The following MAP2K1 variants were observed in gnomAD, a reference collection of about 807,000 sequenced individuals.
The protein encoded by MAP2K1 is mitogen-activated protein kinase kinase 1.
MAP2K1 carries 16 observed loss-of-function variants against 46.3 expected under a neutral mutation model. That is an observed-to-expected ratio of 0.35 (90% CI 0.23 to 0.52). The LOEUF (loss-of-function observed/expected upper bound fraction) is 0.52, where lower values mean the gene tolerates loss of function less well. Among genes scored for constraint, MAP2K1 ranks in the 20% least tolerant of loss-of-function variants. The probability of loss-of-function intolerance (pLI) is 0.94; values close to 1 mark genes in which losing one functional copy is unlikely to be tolerated. For missense variants in MAP2K1, 263 were observed against 497.1 expected (o/e 0.53, Z 4.48); for synonymous variants, 183 against 185.6 (o/e 0.99, Z 0.11).
At chr15:66,468,442 G>C (rs35947549) in intron 5 of MAP2K1, among the ~76,000 whole-genome samples, 8,612 of 152,210 alleles carry the variant, frequency 0.057, 348 homozygotes, top group Middle Eastern at 0.11. Flanking sequence ...GAAAAGTCTG[G>C]TGGTGCTAGA....
At chr15:66,391,605 G>A (rs1234463467) in intron 1 of MAP2K1, among the ~76,000 whole-genome samples, 1 of 152,198 alleles carries the variant, frequency 6.6e-6, no homozygotes, top group Non-Finnish European at 1.5e-5. Flanking sequence ...CACTCTGTAA[G>A]TACACCCAAA....
At chr15:66,420,704 G>T (rs1201266407) in intron 1 of MAP2K1, among the ~76,000 whole-genome samples, 8 of 10,730 alleles carry the variant, frequency 7.5e-4, no homozygotes, top group Admixed American at 4.9e-3. Flanking sequence ...ACTTACTCTT[G>T]GCATATATAT....
chr15:66,474,699 C>G (rs946093701), intron 5 of MAP2K1, among the ~76,000 whole-genome samples: 1 of 152,110 alleles, frequency 6.6e-6, no homozygotes, highest in East Asian at 1.9e-4. Context: ...ATCGTTAACT[C>G]CCTGTGCCAC....
At position 66,427,387 on chromosome 15, in the gene MAP2K1, G is replaced by A. The variant is rs927750136; in HGVS notation, c.81-7640G>A. ...ATCCTGGCCAACACAGTGAAACCCC[G>A]TCTTTACTAAAAATACAAAAAATTA... On this transcript the variant is annotated intron_variant, in intron 1 of 10. Transcript: ENST00000307102. 2.6e-5 allele frequency among the ~76,000 whole-genome samples: 4 copies of A among 151,922 alleles called. 1 individual carries two copies. Among genetic ancestry groups the A allele is most frequent in the East Asian group, 3.9e-4 (2 of 5,162 alleles).
intron 1 of MAP2K1, among the ~76,000 whole-genome samples, chr15:66,399,838 G>A (rs145868602): frequency 8.6e-5 from 13 of 152,012 alleles, no homozygotes; most frequent in East Asian, 3.9e-4. Context: ...CTCGTGATCC[G>A]CCCACCTCAG....
intron 1 of MAP2K1, among the ~76,000 whole-genome samples, chr15:66,395,415 C>T (rs2093365069): frequency 6.6e-6 from 1 of 152,070 alleles, no homozygotes; most frequent in Non-Finnish European, 1.5e-5. Flanking sequence ...CTTAATTTTC[C>T]TCTGTTTTTC....
chr15:66,438,453 CT>C (rs1297639942), intron 3 of MAP2K1, among the ~76,000 whole-genome samples: 4 of 152,094 alleles, frequency 2.6e-5, no homozygotes, highest in African/African-American at 4.8e-5. Context: ...TTACATTGAC[CT>C]TTTTTGAGAT....
intron 1 of MAP2K1, among the ~76,000 whole-genome samples, chr15:66,420,033 C>G (rs2093433935): frequency 6.6e-6 from 1 of 151,830 alleles, no homozygotes; most frequent in South Asian, 2.1e-4. Context: ...CACCTGAGGT[C>G]AGGAGTTCGA....
intron 1 of MAP2K1, among the ~76,000 whole-genome samples, chr15:66,403,851 C>T (rs147169226): frequency 1.4e-4 from 22 of 152,266 alleles, no homozygotes; most frequent in African/African-American, 5.3e-4. Context: ...TATTTGCCCC[C>T]TTTGCTGCTT....
chr15:66,436,423 A>C (rs748625811), intron 2 of MAP2K1, among the ~76,000 whole-genome samples: 24 of 151,842 alleles, frequency 1.6e-4, no homozygotes, highest in Non-Finnish European at 2.9e-4. Flanking sequence ...TACTTTCACA[A>C]CTCTTGAGTG....
intron 1 of MAP2K1, among the ~76,000 whole-genome samples, chr15:66,402,350 G>T (rs971117075): frequency 6.6e-6 from 1 of 152,144 alleles, no homozygotes; most frequent in African/African-American, 2.4e-5. Context: ...TTTCTCCACA[G>T]TGAAGTCTAG....
chr15:66,484,969 CA>C lies in MAP2K1; in HGVS notation c.694-20del, dbSNP rs1404899700. The stretch of plus-strand genomic sequence containing the variant: ...GGTCCAAGTTAGGTTAGGTGATTAT[CA>C]CTGTCTGTCTCTCCTGCAGCCAGAA... On this transcript the variant is annotated intron_variant, in intron 6 of 10. Transcript: ENST00000307102. 3.1e-6 allele frequency: 5 copies of C among 1,604,068 alleles called. No individual in the cohort carries two copies. The highest frequency in any genetic ancestry group is 3.4e-6 in the Non-Finnish European group (4 of 1,172,514).
intron 1 of MAP2K1, among the ~76,000 whole-genome samples, chr15:66,396,184 T>G (rs1255660283): frequency 1.3e-5 from 2 of 152,054 alleles, no homozygotes; most frequent in Non-Finnish European, 2.9e-5. Context: ...TTTTGTATTT[T>G]TAGTACAAAA....
intron 1 of MAP2K1, among the ~76,000 whole-genome samples, chr15:66,426,974 C>A (rs1011088529): frequency 6.6e-6 from 1 of 152,318 alleles, no homozygotes; most frequent in East Asian, 1.9e-4. Context: ...TTCTTGCCTG[C>A]ATATAAACCC....
At chr15:66,407,184 T>G (rs1243143615) in intron 1 of MAP2K1, among the ~76,000 whole-genome samples, 1 of 151,972 alleles carries the variant, frequency 6.6e-6, no homozygotes. Flanking sequence ...TCTGAGAGTT[T>G]TGGAGTCAAC....
At chr15:66,460,244 G>A (rs1326141999) in intron 5 of MAP2K1, among the ~76,000 whole-genome samples, 2 of 152,294 alleles carry the variant, frequency 1.3e-5, no homozygotes, top group South Asian at 2.1e-4. Flanking sequence ...TGTGAGTCTC[G>A]TTTTATCTAG....
chr15:66,456,604 A>G (rs1450154786), intron 5 of MAP2K1, among the ~76,000 whole-genome samples: 1 of 152,192 alleles, frequency 6.6e-6, no homozygotes, highest in African/African-American at 2.4e-5. Context: ...TCCCTATCCC[A>G]GAGAAAGTAC....
chr15:66,457,788 C>T (rs534047141), intron 5 of MAP2K1, among the ~76,000 whole-genome samples: 38 of 151,860 alleles, frequency 2.5e-4, no homozygotes, highest in African/African-American at 7.2e-4. Flanking sequence ...GTGGTGAAAC[C>T]CCGTCTCTAC....
intron 1 of MAP2K1, among the ~76,000 whole-genome samples, chr15:66,432,134 T>A (rs1390375496): frequency 6.6e-6 from 1 of 152,190 alleles, no homozygotes; most frequent in Non-Finnish European, 1.5e-5. Flanking sequence ...GATGAACAAT[T>A]TGTGATAAGA....
Sources: gnomAD v4.1 joint callset for allele counts (sites outside exome capture counted in the v4.1 genomes callset) on GRCh38, gnomAD v4.1.1 for gene constraint, MANE v1.5 for transcripts, NCBI Gene and HGNC (gene_info 2026-07-23, HGNC 2026-07-21) for gene names.